The following OLA1 variants were observed in gnomAD, a reference collection of about 807,000 sequenced individuals.
OLA1 encodes the protein obg-like ATPase 1.
A neutral mutation model predicts 48.4 loss-of-function variants in OLA1; 14 were observed. That is an observed-to-expected ratio of 0.29 (90% confidence interval 0.19 to 0.45). The LOEUF is 0.45. OLA1 is among the 20% of genes least tolerant of loss of function. The pLI, the probability that OLA1 is intolerant of heterozygous loss-of-function variation, is 1.00. For synonymous variants in OLA1, 127 were observed against 150.4 expected (o/e 0.84, Z 1.14); for missense variants, 325 against 467.1 (o/e 0.70, Z 2.80).
chr2:174,246,681 A>G (rs1167907200), intron 2 of OLA1, 34 bp downstream of exon 2: 1 of 1,371,178 alleles, frequency 7.3e-7, no homozygotes, highest in Non-Finnish European at 1.0e-6. Context: ...ATATTTACAA[A>G]ATGAAAATCA....
chr2:174,110,769 G>A (rs964016129), intron 7 of OLA1, among the ~76,000 whole-genome samples: 11 of 152,056 alleles, frequency 7.2e-5, no homozygotes, highest in African/African-American at 2.2e-4. Flanking sequence ...TTTTGTAGAC[G>A]TAGGATGTAC....
intron 4 of OLA1, among the ~76,000 whole-genome samples, chr2:174,197,521 C>T (rs577444260): frequency 3.9e-5 from 6 of 152,058 alleles, no homozygotes. Context: ...CCACCCCCAA[C>T]TCCAATGAAG....
intron 4 of OLA1, among the ~76,000 whole-genome samples, chr2:174,220,995 A>G (rs1207697686): frequency 2.6e-5 from 4 of 152,192 alleles, no homozygotes; most frequent in Non-Finnish European, 4.4e-5. Context: ...TCTAATCTCT[A>G]CAAGTCTTTT....
chr2:174,081,285 G>T, intron 8 of OLA1, 37 bp from the exon 9 acceptor site: 1 of 1,511,716 alleles, frequency 6.6e-7, no homozygotes, highest in Non-Finnish European at 9.2e-7. Flanking sequence ...CAACACATAA[G>T]TTGATTGTGC....
intron 2 of OLA1, among the ~76,000 whole-genome samples, chr2:174,235,504 G>C (rs1373482063): frequency 2.0e-5 from 3 of 152,064 alleles, no homozygotes; most frequent in Admixed American, 1.3e-4. Context: ...TCACACAAAG[G>C]ACAATATGCA....
intron 4 of OLA1, among the ~76,000 whole-genome samples, chr2:174,176,576 C>T (rs1252585889): frequency 6.6e-6 from 1 of 152,098 alleles, no homozygotes; most frequent in Non-Finnish European, 1.5e-5. Context: ...TTCCTAGACT[C>T]ATTCTCAATG....
At chr2:174,241,784 C>T (rs925364821) in intron 2 of OLA1, among the ~76,000 whole-genome samples, 4 of 152,100 alleles carry the variant, frequency 2.6e-5, no homozygotes, top group Admixed American at 6.5e-5. Flanking sequence ...TAGAGGCGTG[C>T]GCCACCACAC....
chr2:174,149,468 G>C (rs68030247), intron 4 of OLA1, among the ~76,000 whole-genome samples: 16,563 of 152,064 alleles, frequency 0.11, 2,162 homozygotes, highest in East Asian at 0.71. Flanking sequence ...TATACTCTGA[G>C]GCAGTATCAA....
chr2:174,122,964 C>T (rs1685950905), intron 7 of OLA1, among the ~76,000 whole-genome samples: 1 of 151,972 alleles, frequency 6.6e-6, no homozygotes, highest in Non-Finnish European at 1.5e-5. Flanking sequence ...TTCAATATTG[C>T]TTATTTAATT....
Position 174,075,111 on chromosome 2 carries a change from A to C in OLA1, c.*315T>G. 3.9e-6 allele frequency: 1 copy of C among 259,646 alleles called. No homozygotes were observed. The highest frequency in any genetic ancestry group is 7.4e-6 in the Non-Finnish European group (1 of 134,754). The allele number at this position is 259,646 out of a possible 1,614,324, so 16.1% of individuals were successfully genotyped here. ...CAAGCCACATTGTCCTCACTGTCAA[A>C]TGTGTCAGGCTTGGCATACATGATG... On this transcript the variant is annotated 3_prime_UTR_variant, in exon 11 of 11. Coordinates refer to ENST00000284719, the MANE Select transcript of OLA1 (RefSeq NM_013341.5).
chr2:174,103,719 G>C (rs12463967), intron 7 of OLA1, among the ~76,000 whole-genome samples: 20,328 of 152,068 alleles, frequency 0.13, 1,530 homozygotes, highest in East Asian at 0.21. Flanking sequence ...AATACAAAAT[G>C]AACAAAACAT....
At chr2:174,198,403 T>C (rs545383869) in intron 4 of OLA1, among the ~76,000 whole-genome samples, 2 of 152,324 alleles carry the variant, frequency 1.3e-5, no homozygotes, top group East Asian at 1.9e-4. Context: ...AAGACTAATA[T>C]AGGCTTCTGG....
At chr2:174,223,765 C>CAAAAAAAAAAAA (rs71021680) in intron 3 of OLA1, among the ~76,000 whole-genome samples, 4 of 73,344 alleles carry the variant, frequency 5.5e-5, no homozygotes, top group East Asian at 3.4e-4. Flanking sequence ...GTTATATAGA[C>CAAAAAAAAAAAA]AAAAAAAAAA....
At chr2:174,226,687 T>C (rs1398640136) in intron 3 of OLA1, among the ~76,000 whole-genome samples, 1 of 152,056 alleles carries the variant, frequency 6.6e-6, no homozygotes, top group Non-Finnish European at 1.5e-5. Context: ...TTAGTAGAAA[T>C]GGGGTTTCTC....
At chr2:174,245,686 G>A (rs1689111491) in intron 2 of OLA1, among the ~76,000 whole-genome samples, 1 of 152,154 alleles carries the variant, frequency 6.6e-6, no homozygotes, top group African/African-American at 2.4e-5. Context: ...CTGAGGTCAG[G>A]AGTTCAACAC....
chr2:174,091,432 G>C (rs914831916), intron 7 of OLA1, among the ~76,000 whole-genome samples: 55 of 152,168 alleles, frequency 3.6e-4, no homozygotes, highest in Non-Finnish European at 6.6e-4. Context: ...TGTTTTATCT[G>C]TTGTTTTTAA....
chr2:174,191,252 T>C (rs1319252975), intron 4 of OLA1, among the ~76,000 whole-genome samples: 1 of 152,266 alleles, frequency 6.6e-6, no homozygotes, highest in South Asian at 2.1e-4. Flanking sequence ...AATATATGTA[T>C]ATACAGAAAA....
chr2:174,129,906 G>C (rs951532849), intron 5 of OLA1, among the ~76,000 whole-genome samples: 4 of 151,950 alleles, frequency 2.6e-5, no homozygotes, highest in African/African-American at 7.3e-5. Context: ...TTACCTTCAG[G>C]AAAACCTGTC....
chr2:174,205,338 T>C (rs1194239314), intron 4 of OLA1, among the ~76,000 whole-genome samples: 1 of 147,750 alleles, frequency 6.8e-6, no homozygotes, highest in Non-Finnish European at 1.5e-5. Context: ...TCAAGACACC[T>C]GCCCTGCACC....
Sources: gnomAD v4.1 joint callset for allele counts (sites outside exome capture counted in the v4.1 genomes callset) on GRCh38, gnomAD v4.1.1 for gene constraint, MANE v1.5 for transcripts, NCBI Gene and HGNC (gene_info 2026-07-23, HGNC 2026-07-21) for gene names.